CDH17: variants seen among roughly 807,000 people sequenced by gnomAD.
CDH17 encodes cadherin-17.
A neutral mutation model predicts 86.3 loss-of-function variants in CDH17; 67 were observed. That is an observed-to-expected ratio of 0.78 (90% CI 0.64 to 0.95). The LOEUF is 0.95. Ranked by LOEUF, CDH17 falls within the 40% of genes least tolerant of loss-of-function variation. The probability of loss-of-function intolerance (pLI) is 0.00; values close to 1 mark genes in which losing one functional copy is unlikely to be tolerated. For synonymous variants in CDH17, 367 were observed against 366.4 expected (o/e 1.00, Z -0.02); for missense variants, 993 against 1,017.6 (o/e 0.98, Z 0.33).
chr8:94,127,938 C>G lies in CDH17; in HGVS notation c.*302G>C. ...CGAAACCCCGTCTCTATTAAAAATA[C>G]AAAAATTAGCTGGGCATGGTGGTGG... On this transcript the variant is annotated 3_prime_UTR_variant, in exon 18 of 18. Transcript: ENST00000027335. 1 of 273,396 alleles carries G rather than the reference C, an allele frequency of 3.7e-6. No individual in the cohort carries two copies. Among genetic ancestry groups the G allele is most frequent in the Non-Finnish European group, 7.0e-6 (1 of 143,284 alleles). The allele number at this position is 273,396 out of a possible 1,614,324, so 16.9% of individuals were successfully genotyped here.
rs144659898 is a variant in CDH17 at position 94,193,741 on chromosome 8, C to T, written c.51+894G>A. Among the ~76,000 whole-genome samples the T allele has an allele frequency of 6.6e-3, 1,009 of 152,270 alleles. 11 individuals carry two copies. The highest frequency in any genetic ancestry group is 0.023 in the African/African-American group (963 of 41,550). On this transcript the variant is annotated intron_variant, in intron 2 of 17. Coordinates refer to ENST00000027335, the MANE Select transcript of CDH17 (RefSeq NM_004063.4). ...TTTGAGCCTGCAGGCTGTGAGGACT[C>T]AGGCTTCTCATAAAGTTTGAACTGC... is the stretch of plus-strand genomic sequence containing the variant.
intron 5 of CDH17, among the ~76,000 whole-genome samples, chr8:94,175,672 G>C (rs1349635627): frequency 1.3e-5 from 2 of 152,094 alleles, no homozygotes; most frequent in Non-Finnish European, 2.9e-5. Context: ...TTAATGAAGG[G>C]CTTAATGAAG....
chr8:94,175,847 G>C (rs1045166531), intron 5 of CDH17, among the ~76,000 whole-genome samples: 3 of 152,132 alleles, frequency 2.0e-5, no homozygotes, highest in African/African-American at 7.2e-5. Context: ...GAGTGTTCTA[G>C]AGCTCTGAGG....
intron 12 of CDH17, 32 bp from the exon 13 acceptor site, chr8:94,152,144 G>C (rs1812868716): frequency 6.2e-7 from 1 of 1,609,264 alleles, no homozygotes; most frequent in East Asian, 2.2e-5. Flanking sequence ...AATTAATTTT[G>C]GGGTGATTAG....
chr8:94,193,831 TG>T (rs1387307125), intron 2 of CDH17, among the ~76,000 whole-genome samples: 17 of 152,270 alleles, frequency 1.1e-4, no homozygotes, highest in African/African-American at 4.1e-4. Flanking sequence ...ACTGTCACTA[TG>T]TGAGCTCTAG....
chr8:94,172,091 A>AT (rs1380825523), intron 7 of CDH17, among the ~76,000 whole-genome samples: 1 of 147,406 alleles, frequency 6.8e-6, no homozygotes, highest in East Asian at 2.0e-4. Flanking sequence ...CACCCAGAGC[A>AT]TTTTTTCCAG....
intron 9 of CDH17, among the ~76,000 whole-genome samples, chr8:94,168,908 C>T (rs931668734): frequency 2.0e-5 from 3 of 152,108 alleles, no homozygotes; most frequent in Admixed American, 1.3e-4. Context: ...AAGACTGATG[C>T]CTGTCCTTTC....
chr8:94,195,814 G>A (rs909617328), intron 1 of CDH17, among the ~76,000 whole-genome samples: 3 of 151,100 alleles, frequency 2.0e-5, no homozygotes, highest in African/African-American at 7.3e-5. Flanking sequence ...AGGCTGGAGT[G>A]CAGTGGCACG....
In CDH17 at chr8:94,162,083, C is replaced by G. The variant is rs1303510602; in HGVS notation, c.1359+3G>C. On this transcript the variant is annotated splice_donor_region_variant and intron_variant, in intron 11 of 17. Transcript: ENST00000027335. The stretch of plus-strand genomic sequence containing the variant: ...GAAAAAACAAATAATGACAACTACT[C>G]ACATCTGATTTTTCAAAGATGGGGA... The G allele has an allele frequency of 6.6e-7, 1 of 1,524,412 alleles. No individual in the cohort carries two copies. Among genetic ancestry groups the G allele is most frequent in the Non-Finnish European group, 9.1e-7 (1 of 1,098,628 alleles). The allele number at this position is 1,524,412 out of a possible 1,614,324, so 94.4% of individuals were successfully genotyped here. A position where few individuals can be genotyped will look rare whatever the true frequency, so the allele number is the denominator to read the frequency against.
rs1554591729 is a variant in CDH17, at chr8:94,208,493, G to A, written c.-31C>T. On this transcript the variant is annotated 5_prime_UTR_variant, in exon 1 of 18. Transcript: ENST00000027335. ...CATGTCAGCCCTTACCTTTCTGTAAGTCACAAAATGGTGGTTAAAAGTCCT... is the reference window on the plus strand; with the variant it reads ...CATGTCAGCCCTTACCTTTCTGTAAATCACAAAATGGTGGTTAAAAGTCCT... The A allele has an allele frequency of 6.6e-6, 1 of 152,116 alleles. No individual in the cohort carries two copies. Among genetic ancestry groups the A allele is most frequent in the African/African-American group, 2.4e-5 (1 of 41,412 alleles). 9.4% of individuals were successfully genotyped at this position (152,116 alleles called of 1,614,324 possible).
intron 15 of CDH17, among the ~76,000 whole-genome samples, chr8:94,140,775 A>T (rs1488400067): frequency 6.6e-6 from 1 of 152,160 alleles, no homozygotes; most frequent in Non-Finnish European, 1.5e-5. Flanking sequence ...TCAATACATT[A>T]GATTAATGAA....
rs1812867535 is a variant in CDH17 at position 94,152,084 on chromosome 8, G to A, written c.1580C>T (p.Ser527Phe). Residue 527 changes from serine to phenylalanine, a missense_variant, in exon 13 of 18, where the codon TCC becomes TTC. Coordinates refer to ENST00000027335, the MANE Select transcript of CDH17 (RefSeq NM_004063.4). Reference sequence around the variant, plus strand: ...ATTTTCTGCTTTGAACACAATGTTGGAAACAGCTGCTGTTTCAAAATCAAG... The same window carrying A: ...ATTTTCTGCTTTGAACACAATGTTGAAAACAGCTGCTGTTTCAAAATCAAG... ...KPLDFETAAVSNIVFKAENPE... is the reference protein window; with the variant it reads ...KPLDFETAAVFNIVFKAENPE... 8 of 1,614,090 alleles carry A rather than the reference G, an allele frequency of 5.0e-6. No homozygotes were observed. Among genetic ancestry groups the A allele is most frequent in the Non-Finnish European group, 5.9e-6 (7 of 1,179,988 alleles).
Position 94,198,339 on chromosome 8 carries a change from T to A in CDH17, c.-20-3634A>T, listed in dbSNP as rs1156599149. Among the ~76,000 whole-genome samples, 5 of 152,286 alleles carry A rather than the reference T, an allele frequency of 3.3e-5. No homozygotes were observed. The East Asian group carries it at 7.7e-4, about 23-fold the overall frequency. The stretch of plus-strand genomic sequence containing the variant: ...ATCTAAACATCATTTTAGAATTAAC[T>A]CATAGTTAAACAAGACATTACTGCT... On this transcript the variant is annotated intron_variant, in intron 1 of 17. Transcript: ENST00000027335.
rs549151876 is a variant in CDH17, at chr8:94,203,005, A to T, written c.-21+5478T>A. 1.1e-5 allele frequency: 3 copies of T among 264,278 alleles called. No individual in the cohort carries two copies. The South Asian group carries it at 1.2e-4, about 11-fold the overall frequency. The allele number at this position is 264,278 out of a possible 1,614,324, so 16.4% of individuals were successfully genotyped here. A position where few individuals can be genotyped will look rare whatever the true frequency, so the allele number is the denominator to read the frequency against. Reference sequence around the variant, plus strand: ...CCACTGGCAAAGCCTTGTTAGCTTCAGGTTTCTTCTCCTTAGTATCCGGCT... The same window carrying T: ...CCACTGGCAAAGCCTTGTTAGCTTCTGGTTTCTTCTCCTTAGTATCCGGCT... On this transcript the variant is annotated intron_variant, in intron 1 of 17. Transcript: ENST00000027335.
At chr8:94,207,485 C>A (rs1814052288) in intron 1 of CDH17, among the ~76,000 whole-genome samples, 1 of 152,186 alleles carries the variant, frequency 6.6e-6, no homozygotes, top group Admixed American at 6.5e-5. Flanking sequence ...ATTTGGCCAA[C>A]CCTGAAGACT....
chr8:94,200,537 GT>G (rs10600702), intron 1 of CDH17, among the ~76,000 whole-genome samples: 4,601 of 56,338 alleles, frequency 0.082, 192 homozygotes, highest in Non-Finnish European at 0.098. Context: ...ATTATCTTTT[GT>G]TTTTTTTTTT....
rs747725933 is a variant in CDH17, at chr8:94,148,711, C to CT, written c.1927+32dup. The stretch of plus-strand genomic sequence containing the variant: ...ATGTATCTTCTGATAATCTGTGTTC[C>CT]TTTTTTTTTGTTTTTTTTTTTTTTT... On this transcript the variant is annotated intron_variant, in intron 14 of 17. Transcript: ENST00000027335. 9.0e-3 allele frequency: 12,115 copies of CT among 1,342,748 alleles called. 170 individuals carry two copies. Among genetic ancestry groups the CT allele is most frequent in the Non-Finnish European group, 0.01 (10,418 of 1,021,132 alleles). The allele number at this position is 1,342,748 out of a possible 1,614,324, so 83.2% of individuals were successfully genotyped here.
At chr8:94,176,043 C>T (rs1333397351) in intron 5 of CDH17, among the ~76,000 whole-genome samples, 2 of 152,000 alleles carry the variant, frequency 1.3e-5, no homozygotes, top group Non-Finnish European at 2.9e-5. Context: ...CATGCACCAC[C>T]ACACCTGGCA....
At chr8:94,158,165 G>A (rs567770907) in intron 12 of CDH17, among the ~76,000 whole-genome samples, 103 of 152,216 alleles carry the variant, frequency 6.8e-4, no homozygotes, top group African/African-American at 2.3e-3. Context: ...AATTGTATAT[G>A]GGACAGAATT....
Sources: allele counts gnomAD v4.1 joint callset (sites outside exome capture counted in the v4.1 genomes callset), GRCh38; gene constraint gnomAD v4.1.1; transcripts MANE v1.5; gene names NCBI Gene and HGNC (gene_info 2026-07-23, HGNC 2026-07-21).